Variants in RNF175 observed in about 807,000 individuals in gnomAD.
RNF175 encodes the protein ring finger protein 175.
In RNF175, 38 loss-of-function variants were observed where a neutral mutation model predicts 50.0. The observed-to-expected ratio is 0.76, with a 90% CI of 0.59 to 1.00. RNF175 has a LOEUF of 1.00. Among genes scored for constraint, RNF175 ranks in the 50% least tolerant of loss-of-function variants. The pLI is 0.00. For missense variants in RNF175, 388 were observed against 409.6 expected, an observed-to-expected ratio of 0.95 and a Z score of 0.46; for synonymous variants, 155 against 146.1, an observed-to-expected ratio of 1.06 and a Z score of -0.44.
intron 3 of RNF175, among the ~76,000 whole-genome samples, chr4:153,746,298 T>C (rs1739966546): frequency 6.6e-6 from 1 of 152,260 alleles, no homozygotes; most frequent in Non-Finnish European, 1.5e-5. Context: ...GAGGATACTC[T>C]TCTTTGACTC....
chr4:153,741,855 C>T (rs767720498), intron 3 of RNF175, among the ~76,000 whole-genome samples: 1 of 152,092 alleles, frequency 6.6e-6, no homozygotes, highest in Non-Finnish European at 1.5e-5. Context: ...CTGCCACATT[C>T]GGTTGGTGCA....
intron 3 of RNF175, among the ~76,000 whole-genome samples, chr4:153,728,570 A>G (rs1738849742): frequency 6.6e-6 from 1 of 152,184 alleles, no homozygotes; most frequent in Admixed American, 6.5e-5. Flanking sequence ...TTCCAATGGG[A>G]AACAATCCAA....
chr4:153,713,149 A>G (rs926029331), intron 7 of RNF175: 3 of 152,194 alleles, frequency 2.0e-5, no homozygotes, highest in Admixed American at 1.3e-4. Flanking sequence ...ACTAAACTTA[A>G]CTTCTCAAAC....
In RNF175 at chr4:153,759,841, G is replaced by T; in HGVS notation, c.22C>A (p.Arg8=). The T allele has an allele frequency of 2.7e-6, 4 of 1,462,306 alleles. No individual in the cohort carries two copies. In the East Asian group the frequency reaches 1.2e-4, roughly 42 times the overall value. 90.6% of individuals were successfully genotyped at this position (1,462,306 alleles called of 1,614,324 possible). ...GCCTCCAGCACCGGCGCTGCCTTCC[G>T]CGCCGCCGTCCCCGCGGCCATGCCT... MAAGTAA[R]KAAPVLEAPP... is the part of the protein sequence containing the mutation. The change falls in exon 1 of 9, where the codon CGG becomes AGG. Residue 8 remains arginine (R), a synonymous_variant. Coordinates refer to ENST00000347063, the MANE Select transcript of RNF175 (RefSeq NM_173662.4).
intron 4 of RNF175, among the ~76,000 whole-genome samples, chr4:153,724,564 C>T (rs2168510): frequency 0.96 from 146,616 of 152,200 alleles, 70,845 homozygotes; most frequent in East Asian, 1. Context: ...CACCCTCTCA[C>T]CCCCAAGTCC....
intron 8 of RNF175, among the ~76,000 whole-genome samples, chr4:153,710,927 C>T (rs972258810): frequency 9.2e-5 from 14 of 152,296 alleles, no homozygotes; most frequent in African/African-American, 3.4e-4. Context: ...AGACCTTTTT[C>T]TGCTGTCTTT....
At chr4:153,739,355 C>T (rs377180661) in intron 3 of RNF175, among the ~76,000 whole-genome samples, 3 of 150,064 alleles carry the variant, frequency 2.0e-5, no homozygotes, top group African/African-American at 7.4e-5. Context: ...CAGGAGGCGA[C>T]GGGTACAGTG....
intron 1 of RNF175, among the ~76,000 whole-genome samples, chr4:153,759,308 C>G (rs1740709828): frequency 6.6e-6 from 1 of 152,194 alleles, no homozygotes; most frequent in Non-Finnish European, 1.5e-5. Flanking sequence ...TGCGTGGTAA[C>G]AGGCCCTCCG....
chr4:153,733,456 T>C (rs888461934), intron 3 of RNF175, among the ~76,000 whole-genome samples: 1 of 152,236 alleles, frequency 6.6e-6, no homozygotes, highest in Non-Finnish European at 1.5e-5. Context: ...TTTACTTAAT[T>C]GTTCAATTCC....
At chr4:153,749,069 C>T (rs1740151315) in intron 2 of RNF175, among the ~76,000 whole-genome samples, 1 of 152,168 alleles carries the variant, frequency 6.6e-6, no homozygotes, top group Admixed American at 6.5e-5. Flanking sequence ...TGGCCTCAGC[C>T]TTGTCTTTTA....
chr4:153,728,456 C>A, intron 3 of RNF175, 95 bp from the exon 4 acceptor site: 1 of 1,005,830 alleles, frequency 9.9e-7, no homozygotes, highest in Non-Finnish European at 1.5e-6. Context: ...CTGGGAGAAC[C>A]ACCTTCACCA....
At chr4:153,750,094 A>G (rs1181475497) in intron 2 of RNF175, among the ~76,000 whole-genome samples, 3 of 152,210 alleles carry the variant, frequency 2.0e-5, no homozygotes, top group African/African-American at 4.8e-5. Context: ...AAGATGAGTG[A>G]ACATGGGGAA....
Position 153,753,139 on chromosome 4 carries a change from C to T in RNF175, c.67-1664G>A, listed in dbSNP as rs979080687. ...AGCGGAAAGGGACACTGGGACACCA[C>T]AGGGCAAAAGACACCGAAGCCCACC... On this transcript the variant is annotated intron_variant, in intron 1 of 8. Coordinates refer to ENST00000347063, the MANE Select transcript of RNF175 (RefSeq NM_173662.4). 2.0e-5 allele frequency among the ~76,000 whole-genome samples: 3 copies of T among 152,164 alleles called. No individual in the cohort carries two copies. In the South Asian group the frequency reaches 6.2e-4, roughly 32 times the overall value.
intron 3 of RNF175, among the ~76,000 whole-genome samples, chr4:153,739,487 T>G (rs115605066): frequency 0.011 from 1,622 of 152,342 alleles, 35 homozygotes; most frequent in African/African-American, 0.037. Flanking sequence ...TCTGACATTC[T>G]TTCTTTCTTT....
intron 4 of RNF175, among the ~76,000 whole-genome samples, chr4:153,724,853 C>T (rs560140310): frequency 6.6e-6 from 1 of 151,880 alleles, no homozygotes. Context: ...TCTGTGCTGC[C>T]ACCTACTCCA....
At chr4:153,723,894 GT>G (rs1738507131) in intron 4 of RNF175, among the ~76,000 whole-genome samples, 2 of 152,236 alleles carry the variant, frequency 1.3e-5, no homozygotes, top group South Asian at 4.2e-4. Context: ...TTCCCCAGGA[GT>G]TTTTCTTCCC....
At position 153,728,234 on chromosome 4, in the gene RNF175, C is replaced by A. The variant is rs370716978; in HGVS notation, c.374G>T (p.Arg125Leu). The A allele has an allele frequency of 2.5e-6, 4 of 1,613,196 alleles. No individual in the cohort carries two copies. Among genetic ancestry groups the A allele is most frequent in the Non-Finnish European group, 3.4e-6 (4 of 1,179,464 alleles). Reference protein sequence around the residue: ...ITSYILFRATRKPLSGRTPRL... With the variant: ...ITSYILFRATLKPLSGRTPRL... The stretch of plus-strand genomic sequence containing the variant: ...TGGTGTCCTTCCTGAGAGGGGTTTT[C>A]GGGTAGCTCTGAAGAGGATGTAACT... The change falls in exon 4 of 9, where the codon CGA becomes CTA. Residue 125 changes from arginine (R) to leucine (L), a missense_variant. Transcript: ENST00000347063.
chr4:153,718,116 T>G (rs1310265835), intron 6 of RNF175, among the ~76,000 whole-genome samples: 1 of 151,822 alleles, frequency 6.6e-6, no homozygotes, highest in Non-Finnish European at 1.5e-5. Context: ...CAGGATGGAG[T>G]CTTTTCAGAC....
chr4:153,750,250 C>CA (rs1400107556), intron 2 of RNF175, among the ~76,000 whole-genome samples: 2 of 152,198 alleles, frequency 1.3e-5, no homozygotes, highest in Non-Finnish European at 2.9e-5. Flanking sequence ...ACCCAGAAAA[C>CA]ACCACAGGGT....
Sources: allele counts gnomAD v4.1 joint callset (sites outside exome capture counted in the v4.1 genomes callset), GRCh38; gene constraint gnomAD v4.1.1; transcripts MANE v1.5; gene names NCBI Gene and HGNC (gene_info 2026-07-23, HGNC 2026-07-21).